Variants in GYS2 observed in about 807,000 individuals in gnomAD.
GYS2 encodes the protein glycogen [starch] synthase, liver.
Under a neutral mutation model 85.6 loss-of-function variants are expected in GYS2, and 80 were observed. The ratio of observed to expected loss-of-function variants is 0.93; its 90% CI spans 0.78 to 1.13. The LOEUF is 1.13. GYS2 is among the 50% of genes most tolerant of loss of function. GYS2 has a pLI of 0.00. For synonymous variants in GYS2, 328 were observed against 300.7 expected (o/e 1.09, Z -0.94); for missense variants, 881 against 854.9 (o/e 1.03, Z -0.38).
chr12:21,558,434 C>T (rs1944209940), intron 10 of GYS2, 121 bp from the exon 11 acceptor site: 5 of 699,822 alleles, frequency 7.1e-6, no homozygotes, highest in Non-Finnish European at 1.3e-5. Context: ...TGAGATGGCA[C>T]TAATGATGAT....
At chr12:21,574,044 CA>C in intron 4 of GYS2, 99 bp downstream of exon 4, 1 of 938,926 alleles carries the variant, frequency 1.1e-6, no homozygotes, top group Non-Finnish European at 1.7e-6. Flanking sequence ...GCATTTCTGC[CA>C]TCTGGTTGGC....
At chr12:21,546,534 T>C in intron 11 of GYS2, 64 bp from the exon 12 acceptor site, 1 of 1,113,142 alleles carries the variant, frequency 9.0e-7, no homozygotes, top group South Asian at 1.4e-5. Context: ...AAAAATCTCC[T>C]ACAATTTGGT....
At chr12:21,584,300 A>C (rs1944548456) in intron 1 of GYS2, among the ~76,000 whole-genome samples, 1 of 144,410 alleles carries the variant, frequency 6.9e-6, no homozygotes, top group Non-Finnish European at 1.5e-5. Flanking sequence ...ATGACAAAGA[A>C]ATTTGGGGAA....
chr12:21,550,813 C>G (rs112739015), intron 11 of GYS2, among the ~76,000 whole-genome samples: 10 of 152,164 alleles, frequency 6.6e-5, no homozygotes, highest in African/African-American at 2.4e-4. Flanking sequence ...TGGTGGCATG[C>G]ACCTGTAGTC....
chr12:21,604,617 C>T lies in GYS2; in HGVS notation c.-25G>A. 1 of 1,611,592 alleles carries T rather than the reference C, an allele frequency of 6.2e-7. No individual in the cohort carries two copies. The highest frequency in any genetic ancestry group is 8.5e-7 in the Non-Finnish European group (1 of 1,178,264). ...TTCTTCTTACAGTCCTCCGAGACTC[C>T]TTTGAATTCCTGTTTCAATTAGTTG... On this transcript the variant is annotated 5_prime_UTR_variant, in exon 1 of 16. Transcript: ENST00000261195.
chr12:21,567,991 G>C (rs1273794721), intron 5 of GYS2, among the ~76,000 whole-genome samples: 4 of 151,738 alleles, frequency 2.6e-5, no homozygotes, highest in Admixed American at 6.6e-5. Flanking sequence ...AGAATTGCTT[G>C]AACCCGGGAG....
At position 21,552,431 on chromosome 12, in the gene GYS2, G is replaced by A. The variant is rs540149913; in HGVS notation, c.1422+5769C>T. On this transcript the variant is annotated intron_variant, in intron 11 of 15. Coordinates refer to ENST00000261195, the MANE Select transcript of GYS2 (RefSeq NM_021957.4). ...AAAAACTTATCAATGCACTCTGAGA[G>A]TTTAGAACCATTCTACACAGTTCTT... Among the ~76,000 whole-genome samples the A allele has an allele frequency of 7.2e-5, 11 of 151,872 alleles. No individual in the cohort carries two copies. The South Asian group carries it at 2.1e-3, about 29-fold the overall frequency.
chr12:21,533,580 T>G (rs539981808), downstream of GYS2, among the ~76,000 whole-genome samples: 1 of 152,302 alleles, frequency 6.6e-6, no homozygotes, highest in Non-Finnish European at 1.5e-5. Context: ...TCATAGAAAT[T>G]TGGGTTCATT....
At chr12:21,577,086 T>G (rs1944454880) in intron 2 of GYS2, among the ~76,000 whole-genome samples, 1 of 152,180 alleles carries the variant, frequency 6.6e-6, no homozygotes, top group Admixed American at 6.5e-5. Flanking sequence ...GTGGGGATGC[T>G]TCTCACCCAT....
Position 21,536,969 on chromosome 12 carries a change from A to G in GYS2, c.2097T>C (p.Gly699=), listed in dbSNP as rs146628312. 2 of 1,611,378 alleles carry G rather than the reference A, an allele frequency of 1.2e-6. No homozygotes were observed. Among genetic ancestry groups the G allele is most frequent in the Non-Finnish European group, 1.7e-6 (2 of 1,177,548 alleles). The part of the protein sequence containing the change: ...HVPHGKKKLH[G]EYKN ...CATGTAGAATTCAGTTCTTATATTC[A>G]CCATGCAGCTTTTTCTTCCCATGAG... The change falls in exon 16 of 16, where the codon GGT becomes GGC. Residue 699 remains glycine (G), a synonymous_variant. Transcript: ENST00000261195.
rs550404928 is a variant in GYS2, at chr12:21,575,559, A to G, written c.495+307T>C. ...CTATTTGCTACTCTTAAGATTCTAT[A>G]CTTCATGTTTTTCTTATATATATAT... On this transcript the variant is annotated intron_variant, in intron 3 of 15. Coordinates refer to ENST00000261195, the MANE Select transcript of GYS2 (RefSeq NM_021957.4). Among the ~76,000 whole-genome samples the G allele has an allele frequency of 1.6e-4, 24 of 152,110 alleles. No individual in the cohort carries two copies. In the South Asian group the frequency reaches 4.4e-3, roughly 28 times the overall value.
chr12:21,539,931 T>G (rs1019968329), intron 14 of GYS2, among the ~76,000 whole-genome samples: 1 of 152,242 alleles, frequency 6.6e-6, no homozygotes, highest in African/African-American at 2.4e-5. Context: ...TCACCACTGC[T>G]AAGCTGTGTG....
rs1944540217 is a variant in GYS2 at position 21,583,798 on chromosome 12, G to A, written c.122-3275C>T. On this transcript the variant is annotated intron_variant, in intron 1 of 15. Coordinates refer to ENST00000261195, the MANE Select transcript of GYS2 (RefSeq NM_021957.4). Reference sequence around the variant, plus strand: ...AACTGGGTGCTTTCTGATCCATCTAGCCATAAAGTGGGCTGTGCACAGCAG... The same window carrying A: ...AACTGGGTGCTTTCTGATCCATCTAACCATAAAGTGGGCTGTGCACAGCAG... Among the ~76,000 whole-genome samples the A allele has an allele frequency of 2.0e-5, 3 of 152,284 alleles. No homozygotes were observed. The South Asian group carries it at 6.2e-4, about 32-fold the overall frequency.
At chr12:21,532,587 A>G (rs1345560231), downstream of GYS2, 1 of 152,216 alleles carries the variant, frequency 6.6e-6, no homozygotes, top group Non-Finnish European at 1.5e-5. Context: ...TAGTGCTTAC[A>G]TCTGATTTAT....
intron 10 of GYS2, among the ~76,000 whole-genome samples, 179 bp from the exon 11 acceptor site, chr12:21,558,492 T>A (rs1414913474): frequency 6.6e-6 from 1 of 152,206 alleles, no homozygotes; most frequent in Non-Finnish European, 1.5e-5. Flanking sequence ...TTGAAGAATC[T>A]CCTTTGCATG....
intron 12 of GYS2, among the ~76,000 whole-genome samples, chr12:21,546,131 G>A (rs928747752): frequency 1.3e-5 from 2 of 151,912 alleles, no homozygotes; most frequent in African/African-American, 4.8e-5. Flanking sequence ...TGCCCAAACC[G>A]TGGTATACTT....
At chr12:21,551,032 T>C (rs1296045211) in intron 11 of GYS2, among the ~76,000 whole-genome samples, 1 of 151,972 alleles carries the variant, frequency 6.6e-6, no homozygotes, top group African/African-American at 2.4e-5. Flanking sequence ...TATTATACTT[T>C]AAGTTTTAGG....
At chr12:21,558,352 G>T in intron 10 of GYS2, 39 bp from the exon 11 acceptor site, 2 of 1,258,748 alleles carry the variant, frequency 1.6e-6, no homozygotes, top group Non-Finnish European at 1.2e-6. Context: ...ATTGCGGAAA[G>T]AATTAATAAG....
chr12:21,599,803 G>T (rs1307492012), intron 1 of GYS2, among the ~76,000 whole-genome samples: 1 of 152,076 alleles, frequency 6.6e-6, no homozygotes, highest in Non-Finnish European at 1.5e-5. Flanking sequence ...GTGAAAGCTG[G>T]TATGACAATA....
Sources: allele counts gnomAD v4.1 joint callset (sites outside exome capture counted in the v4.1 genomes callset), GRCh38; gene constraint gnomAD v4.1.1; transcripts MANE v1.5; gene names NCBI Gene and HGNC (gene_info 2026-07-23, HGNC 2026-07-21).